Variants in ZBTB20 observed in about 807,000 individuals in gnomAD.
The protein encoded by ZBTB20 is zinc finger and BTB domain containing 20, also known as zinc finger and BTB domain-containing protein 20.
ZBTB20 carries 9 observed loss-of-function variants against 56.9 expected under a neutral mutation model. That is an observed-to-expected ratio of 0.16 (90% CI 0.10 to 0.28). The LOEUF (loss-of-function observed/expected upper bound fraction) is 0.28, where lower values mean the gene tolerates loss of function less well. Ranked by LOEUF, ZBTB20 falls within the 10% of genes least tolerant of loss-of-function variation. The probability of loss-of-function intolerance (pLI) is 1.00; values close to 1 mark genes in which losing one functional copy is unlikely to be tolerated. For synonymous variants in ZBTB20, 417 were observed against 420.7 expected (o/e 0.99, Z 0.11); for missense variants, 655 against 1,003.0 (o/e 0.65, Z 4.69).
At chr3:114,760,093 A>G (rs2068326462) in intron 5 of ZBTB20, among the ~76,000 whole-genome samples, 1 of 152,208 alleles carries the variant, frequency 6.6e-6, no homozygotes, top group South Asian at 2.1e-4. Context: ...ATGTTCATAA[A>G]CAATTTCCAA....
At position 114,339,065 on chromosome 3, in the gene ZBTB20, T is replaced by G; in HGVS notation, c.2166A>C (p.Ala722=). 6.4e-7 allele frequency: 1 copy of G among 1,555,556 alleles called. No individual in the cohort carries two copies. The highest frequency in any genetic ancestry group is 1.4e-5 in the African/African-American group (1 of 73,496). Residue 722 remains alanine, a synonymous_variant, in exon 12 of 12, where the codon GCA becomes GCC. Transcript: ENST00000675478. This position sits in a 1 kb window ranked among gnomAD's most constrained non-coding sequence, Gnocchi z 4.2. Reference sequence around the variant, plus strand: ...TGAACTGCTCGATTTGGTCAAACTTTGCTGGGCAGACGGAGCAGACGTAAG... The same window carrying G: ...TGAACTGCTCGATTTGGTCAAACTTGGCTGGGCAGACGGAGCAGACGTAAG... The part of the protein sequence containing the change: ...GTTYVCSVCP[A]KFDQIEQFND...
intron 5 of ZBTB20, among the ~76,000 whole-genome samples, chr3:114,756,137 T>G (rs9871273): frequency 5.3e-5 from 8 of 152,240 alleles, no homozygotes; most frequent in African/African-American, 1.9e-4. Flanking sequence ...CCCTTATTGG[T>G]GCAATAAATA....
rs375646026 is a variant in ZBTB20 at position 115,103,414 on chromosome 3, C to T, written c.-702-32000G>A. On this transcript the variant is annotated intron_variant, in intron 1 of 11. Transcript: ENST00000675478. ...CCAACATAATATTGAAAGAGAAGAA[C>T]AAAGTTGGACAAATGAAACTACCAG... Among the ~76,000 whole-genome samples, 3 of 152,062 alleles carry T rather than the reference C, an allele frequency of 2.0e-5. No individual in the cohort carries two copies. The East Asian group carries it at 5.8e-4, about 29-fold the overall frequency.
At position 114,895,922 on chromosome 3, in the gene ZBTB20, T is replaced by G. The variant is rs1206030086; in HGVS notation, c.-417+4382A>C. Among the ~76,000 whole-genome samples the G allele has an allele frequency of 5.3e-5, 8 of 152,224 alleles. No individual in the cohort carries two copies. In the East Asian group the frequency reaches 1.5e-3, roughly 29 times the overall value. ...GCTACTGAATAATGGAGCTAGACTT[T>G]TGGTAAAGGTCAGTGGGAGGGAATC... On this transcript the variant is annotated intron_variant, in intron 4 of 11. Coordinates refer to ENST00000675478, the MANE Select transcript of ZBTB20 (RefSeq NM_001348800.3).
At chr3:114,853,257 A>G (rs1350241361) in intron 4 of ZBTB20, among the ~76,000 whole-genome samples, 1 of 152,186 alleles carries the variant, frequency 6.6e-6, no homozygotes, top group Admixed American at 6.5e-5. Context: ...GTTGCATGTA[A>G]GTAACTGGAG....
intron 1 of ZBTB20, among the ~76,000 whole-genome samples, chr3:115,142,057 C>T (rs1364958888): frequency 1.3e-5 from 2 of 152,140 alleles, no homozygotes; most frequent in African/African-American, 4.8e-5. Context: ...AACACTTCAT[C>T]CCAAAAATAT....
chr3:114,867,924 A>C (rs557635308), intron 4 of ZBTB20, among the ~76,000 whole-genome samples: 2 of 152,280 alleles, frequency 1.3e-5, no homozygotes, highest in African/African-American at 4.8e-5. Flanking sequence ...ACCCCAGCTC[A>C]ACACCTGTTA....
At chr3:115,037,279 TG>T (rs901454059) in intron 2 of ZBTB20, among the ~76,000 whole-genome samples, 7 of 151,344 alleles carry the variant, frequency 4.6e-5, no homozygotes, top group Non-Finnish European at 7.4e-5. Flanking sequence ...AAGAAATTTT[TG>T]GGGGGGGCGG....
At chr3:114,966,541 T>C (rs2077654900) in intron 3 of ZBTB20, among the ~76,000 whole-genome samples, 1 of 152,152 alleles carries the variant, frequency 6.6e-6, no homozygotes, top group Non-Finnish European at 1.5e-5. Flanking sequence ...ATGTTATTTT[T>C]TCCATTTTAT....
chr3:115,052,049 T>C (rs1422421292), intron 2 of ZBTB20, among the ~76,000 whole-genome samples: 12 of 151,900 alleles, frequency 7.9e-5, no homozygotes, highest in Non-Finnish European at 1.2e-4. Context: ...TCCCCCAACA[T>C]TGGGGATTAA....
At chr3:115,043,623 AAATAAAAT>A in intron 2 of ZBTB20, among the ~76,000 whole-genome samples, 1 of 139,862 alleles carries the variant, frequency 7.1e-6, no homozygotes, top group African/African-American at 2.5e-5. Flanking sequence ...AAATAAAATA[AAATAAAAT>A]AATAAAATAA....
In ZBTB20 at chr3:114,854,673, A is replaced by C. The variant is rs907565022; in HGVS notation, c.-417+45631T>G. Among the ~76,000 whole-genome samples the C allele has an allele frequency of 3.9e-5, 6 of 152,268 alleles. No individual in the cohort carries two copies. In the South Asian group the frequency reaches 1.2e-3, roughly 32 times the overall value. On this transcript the variant is annotated intron_variant, in intron 4 of 11. Transcript: ENST00000675478. Reference sequence around the variant, plus strand: ...AATCTGTTTCCTTATCCATAAAATGAATTTAATCACTGATACCCTGCAGGG... The same window carrying C: ...AATCTGTTTCCTTATCCATAAAATGCATTTAATCACTGATACCCTGCAGGG...
intron 2 of ZBTB20, among the ~76,000 whole-genome samples, chr3:115,036,638 C>A (rs2080936361): frequency 6.6e-6 from 1 of 152,178 alleles, no homozygotes; most frequent in Non-Finnish European, 1.5e-5. Context: ...TGGTCTCGAT[C>A]TCTTGACCTC....
chr3:114,865,074 T>C (rs1469231419), intron 4 of ZBTB20, among the ~76,000 whole-genome samples: 3 of 152,128 alleles, frequency 2.0e-5, no homozygotes, highest in Non-Finnish European at 4.4e-5. Flanking sequence ...AGAAATTTTC[T>C]TATGTCCTTC....
intron 6 of ZBTB20, among the ~76,000 whole-genome samples, chr3:114,618,508 T>C (rs1362765025): frequency 6.6e-6 from 1 of 152,198 alleles, no homozygotes; most frequent in Admixed American, 6.5e-5. Flanking sequence ...TCCTCCTGCC[T>C]TGGCCTTTCA....
In ZBTB20 at chr3:114,797,959, A is replaced by C. The variant is rs371994044; in HGVS notation, c.-343+3142T>G. Among the ~76,000 whole-genome samples, 46 of 152,108 alleles carry C rather than the reference A, an allele frequency of 3.0e-4. No homozygotes were observed. In the East Asian group the frequency reaches 7.9e-3, roughly 26 times the overall value. On this transcript the variant is annotated intron_variant, in intron 5 of 11. Transcript: ENST00000675478. ...CAGGTTTTTACCGTAGCCTCTTTGG[A>C]TTGGTAAATGACAGAATCCAATGAA...
chr3:114,398,252 G>A (rs16822591), intron 7 of ZBTB20, among the ~76,000 whole-genome samples: 5,505 of 152,136 alleles, frequency 0.036, 334 homozygotes, highest in African/African-American at 0.12. Context: ...TATTATTAGC[G>A]AGGGTGTACA....
At chr3:114,642,277 G>C (rs975215872) in intron 6 of ZBTB20, among the ~76,000 whole-genome samples, 2 of 151,980 alleles carry the variant, frequency 1.3e-5, no homozygotes, top group African/African-American at 4.8e-5. Flanking sequence ...CACACACTCT[G>C]TCTATTAGAA....
chr3:114,667,842 A>T (rs769520965), intron 6 of ZBTB20, among the ~76,000 whole-genome samples: 1 of 151,966 alleles, frequency 6.6e-6, no homozygotes, highest in African/African-American at 2.4e-5. Context: ...TATTAATGAG[A>T]GGTAGCATTA....
Sources: allele counts gnomAD v4.1 joint callset (sites outside exome capture counted in the v4.1 genomes callset), GRCh38; gene constraint gnomAD v4.1.1; non-coding constraint Gnocchi (gnomAD v3.1); transcripts MANE v1.5; gene names NCBI Gene and HGNC (gene_info 2026-07-23, HGNC 2026-07-21).